Variants in CYP3A4 observed in about 807,000 individuals in gnomAD.
The protein encoded by CYP3A4 is cytochrome P450 family 3 subfamily A member 4, also known as cytochrome P450 3A4.
CYP3A4 carries 41 observed loss-of-function variants against 54.9 expected under a neutral mutation model. That is an observed-to-expected ratio of 0.75 (90% CI 0.58 to 0.97). CYP3A4 has a LOEUF of 0.97. Among genes scored for constraint, CYP3A4 ranks in the 50% least tolerant of loss-of-function variants. The pLI is 0.00. For missense variants in CYP3A4, 510 were observed against 597.3 expected (o/e 0.85, Z 1.52); for synonymous variants, 179 against 205.2 (o/e 0.87, Z 1.09).
chr7:99,759,559 CA>C, intron 12 of CYP3A4, among the ~76,000 whole-genome samples: 1 of 152,228 alleles, frequency 6.6e-6, no homozygotes. Flanking sequence ...GCATTAGATA[CA>C]GTCCCTTGCA....
intron 1 of CYP3A4, 122 bp from the exon 2 acceptor site, chr7:99,780,207 A>AAT: frequency 1.1e-6 from 1 of 937,568 alleles, no homozygotes; most frequent in Non-Finnish European, 1.6e-6. Flanking sequence ...GGCAAGAAAT[A>AAT]ATAACAGTAA....
At position 99,766,491 on chromosome 7, in the gene CYP3A4, T is replaced by C. The variant is rs1320045999; in HGVS notation, c.799-48A>G. 1.9e-6 allele frequency: 3 copies of C among 1,611,080 alleles called. No individual in the cohort carries two copies. The African/African-American group carries it at 4.0e-5, about 22-fold the overall frequency. ...CACTGACAGAAAGTGGCTCCTGAAG[T>C]CAGAAGTAAATCACAAGCGTGGTCC... On this transcript the variant is annotated intron_variant, in intron 8 of 12. Coordinates refer to ENST00000651514, the MANE Select transcript of CYP3A4 (RefSeq NM_017460.6).
intron 4 of CYP3A4, among the ~76,000 whole-genome samples, chr7:99,770,462 C>T (rs1815604396): frequency 6.6e-6 from 1 of 152,056 alleles, no homozygotes; most frequent in African/African-American, 2.4e-5. Flanking sequence ...TTCAGGAGAC[C>T]CTGATGTCGT....
intron 7 of CYP3A4, among the ~76,000 whole-genome samples, chr7:99,767,828 A>G (rs2687117): frequency 0.91 from 138,283 of 152,198 alleles, 64,331 homozygotes; most frequent in East Asian, 1. Context: ...GATGTGATAG[A>G]CCACAATCTC....
chr7:99,762,078 T>C lies in CYP3A4; in HGVS notation c.1216A>G (p.Lys406Glu). 1 of 1,614,094 alleles carries C rather than the reference T, an allele frequency of 6.2e-7. No homozygotes were observed. The highest frequency in any genetic ancestry group is 8.5e-7 in the Non-Finnish European group (1 of 1,179,988). ...AACTTCTCAGGCTCTGTCCAGTACT[T>C]TGGGTCACGGTGAAGAGCATAGCTT... ...IPSYALHRDPKYWTEPEKFLP... is the reference protein window; with the variant it reads ...IPSYALHRDPEYWTEPEKFLP... Residue 406 changes from lysine to glutamate, a missense_variant, in exon 11 of 13, where the codon AAG becomes GAG. Transcript: ENST00000651514.
intron 2 of CYP3A4, among the ~76,000 whole-genome samples, chr7:99,779,646 C>T (rs913501600): frequency 6.6e-6 from 1 of 151,914 alleles, no homozygotes; most frequent in African/African-American, 2.4e-5. Context: ...GGTCCTTTTC[C>T]TACTTTTAAT....
At chr7:99,783,038 T>A (rs1004472363) in intron 1 of CYP3A4, among the ~76,000 whole-genome samples, 6 of 152,162 alleles carry the variant, frequency 3.9e-5, no homozygotes, top group Non-Finnish European at 8.8e-5. Context: ...TAGAATGAAT[T>A]TAAGCCATAT....
rs1486844278 is a variant in CYP3A4, at chr7:99,757,827, C to T, written c.*306G>A. 1 of 254,842 alleles carries T rather than the reference C, an allele frequency of 3.9e-6. No individual in the cohort carries two copies. 15.8% of individuals were successfully genotyped at this position (254,842 alleles called of 1,614,324 possible). A position where few individuals can be genotyped will look rare whatever the true frequency, so the allele number is the denominator to read the frequency against. ...AGGAAATTATTGAGAAATGTTGATT[C>T]TCTTATCAGAGCTCAGGAGGAGTTA... On this transcript the variant is annotated 3_prime_UTR_variant, in exon 13 of 13. Coordinates refer to ENST00000651514, the MANE Select transcript of CYP3A4 (RefSeq NM_017460.6).
intron 1 of CYP3A4, among the ~76,000 whole-genome samples, chr7:99,780,702 A>G (rs1236952576): frequency 6.6e-6 from 1 of 152,182 alleles, no homozygotes; most frequent in African/African-American, 2.4e-5. Flanking sequence ...CCTTATTTCT[A>G]CAGATTGACA....
In CYP3A4 at chr7:99,757,023, C is replaced by T. The variant is rs886548543; in HGVS notation, c.*1110G>A. On this transcript the variant is annotated 3_prime_UTR_variant, in exon 13 of 13. Transcript: ENST00000651514. The stretch of plus-strand genomic sequence containing the variant: ...TTATTAAGTGTTCATTGCATCGAGA[C>T]AGTTGGGTGTTGAGGATGGAATGCA... The T allele has an allele frequency of 6.6e-6, 1 of 152,076 alleles. No individual in the cohort carries two copies. The highest frequency in any genetic ancestry group is 2.4e-5 in the African/African-American group (1 of 41,404). 9.4% of individuals were successfully genotyped at this position (152,076 alleles called of 1,614,324 possible).
At chr7:99,776,944 C>T (rs1322356770) in intron 3 of CYP3A4, among the ~76,000 whole-genome samples, 1 of 152,076 alleles carries the variant, frequency 6.6e-6, no homozygotes, top group African/African-American at 2.4e-5. Flanking sequence ...AAGGTATAGA[C>T]AAAGAAATGC....
chr7:99,760,751 A>T, intron 12 of CYP3A4, 68 bp downstream of exon 12: 1 of 1,559,724 alleles, frequency 6.4e-7, no homozygotes, highest in Non-Finnish European at 8.7e-7. Context: ...TATTCTTTTT[A>T]AAAAATACAG....
rs377322915 is a variant in CYP3A4 at position 99,772,674 on chromosome 7, T to C, written c.234A>G (p.Gln78=). ...YGKVWGFYDG[Q]QPVLAITDPD... ...GATCTGTGATAGCCAGCACAGGCTG[T>C]TGACCATCATAAAAGCTGTGTGAAA... Residue 78 remains glutamine, a synonymous_variant, in exon 4 of 13, where the codon CAA becomes CAG. Coordinates refer to ENST00000651514, the MANE Select transcript of CYP3A4 (RefSeq NM_017460.6). 9.3e-6 allele frequency: 15 copies of C among 1,613,250 alleles called. No homozygotes were observed. The highest frequency in any genetic ancestry group is 2.2e-5 in the East Asian group (1 of 44,884).
chr7:99,763,115 G>C (rs1386917532), intron 10 of CYP3A4, among the ~76,000 whole-genome samples: 2 of 152,130 alleles, frequency 1.3e-5, no homozygotes, highest in African/African-American at 4.8e-5. Context: ...AGATAGGTGT[G>C]GGGAGAGCTG....
At chr7:99,777,492 G>A (rs1225650027) in intron 3 of CYP3A4, among the ~76,000 whole-genome samples, 6 of 151,236 alleles carry the variant, frequency 4.0e-5, no homozygotes, top group African/African-American at 1.5e-4. Context: ...GTGTGTGTGT[G>A]TGTGTGTGTG....
intron 4 of CYP3A4, 134 bp downstream of exon 4, chr7:99,772,456 A>G: frequency 9.5e-7 from 1 of 1,047,962 alleles, no homozygotes; most frequent in Non-Finnish European, 1.4e-6. Flanking sequence ...AGATGTTACC[A>G]TTCGGGGGGG....
intron 3 of CYP3A4, among the ~76,000 whole-genome samples, chr7:99,773,394 T>C (rs1449989502): frequency 6.6e-6 from 1 of 152,212 alleles, no homozygotes; most frequent in Non-Finnish European, 1.5e-5. Flanking sequence ...AGAATATACA[T>C]TCTTCTCAGC....
At chr7:99,766,676 C>T (rs760560239) in intron 8 of CYP3A4, 135 of 552,976 alleles carry the variant, frequency 2.4e-4, no homozygotes, top group South Asian at 1.4e-3. Context: ...ATTTAACACA[C>T]GCTACACTTC....
Position 99,778,090 on chromosome 7 carries a change from G to T in CYP3A4, c.166-10C>A, listed in dbSNP as rs59503174. ...CAAACATACAAAAGCCCTGGGAGGA[G>T]AAACAAAATAATATTTGATTATTAT... On this transcript the variant is annotated splice_polypyrimidine_tract_variant and intron_variant, in intron 2 of 12. Coordinates refer to ENST00000651514, the MANE Select transcript of CYP3A4 (RefSeq NM_017460.6). The T allele has an allele frequency of 5.0e-4, 806 of 1,605,156 alleles. 1 individual carries two copies. Among genetic ancestry groups the T allele is most frequent in the Non-Finnish European group, 6.4e-4 (755 of 1,172,638 alleles).
Sources: gnomAD v4.1 joint callset for allele counts (sites outside exome capture counted in the v4.1 genomes callset) on GRCh38, gnomAD v4.1.1 for gene constraint, MANE v1.5 for transcripts, NCBI Gene and HGNC (gene_info 2026-07-23, HGNC 2026-07-21) for gene names.